The following FERMT2 variants were observed in gnomAD, a reference collection of about 807,000 sequenced individuals.
The protein encoded by FERMT2 is FERM domain containing kindlin 2, also known as fermitin family homolog 2.
FERMT2 carries 15 observed loss-of-function variants against 82.7 expected under a neutral mutation model. That is an observed-to-expected ratio of 0.18 (90% CI 0.12 to 0.28). The LOEUF (loss-of-function observed/expected upper bound fraction) is 0.28, where lower values mean the gene tolerates loss of function less well. Ranked by LOEUF, FERMT2 falls within the 10% of genes least tolerant of loss-of-function variation. The pLI is 1.00. For missense variants in FERMT2, 645 were observed against 809.4 expected, an observed-to-expected ratio of 0.80 and a Z score of 2.46; for synonymous variants, 274 against 271.5, an observed-to-expected ratio of 1.01 and a Z score of -0.09.
intron 13 of FERMT2, 61 bp from the exon 14 acceptor site, chr14:52,859,775 T>G: frequency 9.7e-7 from 1 of 1,035,506 alleles, no homozygotes; most frequent in Middle Eastern, 2.2e-4. Context: ...TTGGACTGCT[T>G]TTCTTCAAGA....
intron 2 of FERMT2, chr14:52,948,543 T>C (rs1482373739): frequency 4.4e-6 from 2 of 455,380 alleles, no homozygotes; most frequent in Non-Finnish European, 8.8e-6. Context: ...AAGGTTTCCA[T>C]ACGCACAGCA....
chr14:52,861,958 T>C (rs1884968396), intron 12 of FERMT2: 1 of 152,200 alleles, frequency 6.6e-6, no homozygotes, highest in Non-Finnish European at 1.5e-5. Flanking sequence ...CTGAGCACTA[T>C]GTCCAGTGTG....
At chr14:52,901,843 T>A (rs1353113400) in intron 3 of FERMT2, among the ~76,000 whole-genome samples, 1 of 152,228 alleles carries the variant, frequency 6.6e-6, no homozygotes, top group Non-Finnish European at 1.5e-5. Context: ...GTGAGCCACG[T>A]GTACACACCT....
intron 2 of FERMT2, among the ~76,000 whole-genome samples, chr14:52,940,416 T>A (rs1361977887): frequency 8.5e-5 from 13 of 152,222 alleles, no homozygotes; most frequent in Non-Finnish European, 1.5e-5. Flanking sequence ...TCAAAATGTT[T>A]TACTATGTAA....
chr14:52,922,859 G>A (rs1018821626), intron 2 of FERMT2, among the ~76,000 whole-genome samples: 5 of 152,178 alleles, frequency 3.3e-5, no homozygotes, highest in African/African-American at 9.7e-5. Context: ...ACAGTCATGA[G>A]TCACTTAACA....
chr14:52,892,585 G>C (rs898215593), intron 4 of FERMT2, among the ~76,000 whole-genome samples: 1 of 151,406 alleles, frequency 6.6e-6, no homozygotes, highest in Admixed American at 6.6e-5. Flanking sequence ...CTCCCAAGTA[G>C]ATGGGACTAC....
In FERMT2 at chr14:52,881,229, T is replaced by C. The variant is rs774401700; in HGVS notation, c.752+15A>G. On this transcript the variant is annotated intron_variant, in intron 5 of 14. Coordinates refer to ENST00000341590, the MANE Select transcript of FERMT2 (RefSeq NM_006832.3). ...GGATGAAGAAATTCAATTTTATCTA[T>C]ATCTTAAAACTTACCCTTGGTTGAT... 6 of 1,607,974 alleles carry C rather than the reference T, an allele frequency of 3.7e-6. No individual in the cohort carries two copies. The Admixed American group carries it at 1.0e-4, about 27-fold the overall frequency.
In FERMT2 at chr14:52,920,676, G is replaced by GGCA. The variant is rs566414166; in HGVS notation, c.158-1323_158-1321dup. Among the ~76,000 whole-genome samples, 91 of 150,624 alleles carry GGCA rather than the reference G, an allele frequency of 6.0e-4. 1 individual carries two copies. Among genetic ancestry groups the GGCA allele is most frequent in the African/African-American group, 2.1e-3 (87 of 41,024 alleles). ...GGGAAGGAAAAACATGTGAATGCTG[G>GGCA]GCACAGTGGCTCACGCCTATAATCC... is the stretch of plus-strand genomic sequence containing the variant. On this transcript the variant is annotated intron_variant, in intron 2 of 14. Coordinates refer to ENST00000341590, the MANE Select transcript of FERMT2 (RefSeq NM_006832.3).
At chr14:52,913,192 C>T (rs1300820644) in intron 3 of FERMT2, among the ~76,000 whole-genome samples, 1 of 152,068 alleles carries the variant, frequency 6.6e-6, no homozygotes, top group Non-Finnish European at 1.5e-5. Flanking sequence ...TAGTGAAATA[C>T]CTCTGAGTAT....
intron 4 of FERMT2, chr14:52,881,880 G>T: frequency 1.3e-6 from 1 of 770,804 alleles, no homozygotes; most frequent in Non-Finnish European, 1.9e-6. Flanking sequence ...GGCCACAACA[G>T]AGGACAGAAA....
intron 4 of FERMT2, among the ~76,000 whole-genome samples, chr14:52,888,470 G>A (rs1171997216): frequency 6.6e-6 from 1 of 152,152 alleles, no homozygotes; most frequent in Non-Finnish European, 1.5e-5. Context: ...GGGAAGAGAA[G>A]CAAAATTTAG....
At chr14:52,943,146 T>G (rs55635639) in intron 2 of FERMT2, among the ~76,000 whole-genome samples, 42,681 of 142,576 alleles carry the variant, frequency 0.3, 9,381 homozygotes, top group South Asian at 0.37. Flanking sequence ...AGGCGGAGGT[T>G]GCAGTGGACT....
intron 3 of FERMT2, among the ~76,000 whole-genome samples, chr14:52,915,539 C>T (rs1888567111): frequency 6.7e-6 from 1 of 150,356 alleles, no homozygotes; most frequent in Non-Finnish European, 1.5e-5. Flanking sequence ...ACAGACAATT[C>T]AATAAACAGT....
chr14:52,895,759 T>A (rs1476811238), intron 3 of FERMT2, among the ~76,000 whole-genome samples: 2 of 152,166 alleles, frequency 1.3e-5, no homozygotes, highest in Admixed American at 6.5e-5. Context: ...ACACTTTAAA[T>A]AGATACAGTT....
At chr14:52,905,188 C>CAAAAAA (rs71125148) in intron 3 of FERMT2, among the ~76,000 whole-genome samples, 7 of 126,848 alleles carry the variant, frequency 5.5e-5, no homozygotes, top group African/African-American at 2.2e-4. Context: ...GACTCCATCT[C>CAAAAAA]AAAAAAAAAA....
chr14:52,878,756 A>C lies in FERMT2; in HGVS notation c.856-67T>G, dbSNP rs1357336759. The C allele has an allele frequency of 7.8e-6, 6 of 773,076 alleles. No individual in the cohort carries two copies. The East Asian group carries it at 1.2e-4, about 15-fold the overall frequency. The allele number at this position is 773,076 out of a possible 1,614,324, so 47.9% of individuals were successfully genotyped here. A position where few individuals can be genotyped will look rare whatever the true frequency, so the allele number is the denominator to read the frequency against. ...ACCATTGAAAAATTTCAAACTCTGA[A>C]TATTCAATTGACAAGAAAAATTTAA... On this transcript the variant is annotated intron_variant, in intron 6 of 14. Coordinates refer to ENST00000341590, the MANE Select transcript of FERMT2 (RefSeq NM_006832.3).
chr14:52,911,486 C>T (rs1189911125), intron 3 of FERMT2, among the ~76,000 whole-genome samples: 1 of 151,836 alleles, frequency 6.6e-6, no homozygotes, highest in African/African-American at 2.4e-5. Flanking sequence ...CCCGTCTCTA[C>T]TAAATAAACA....
intron 2 of FERMT2, among the ~76,000 whole-genome samples, chr14:52,921,443 C>T (rs7157639): frequency 0.14 from 21,151 of 152,198 alleles, 1,714 homozygotes; most frequent in African/African-American, 0.21. Flanking sequence ...ACTTGCTTAA[C>T]AGTGATACTT....
At chr14:52,871,334 T>C (rs534965692) in intron 10 of FERMT2, 5 of 152,428 alleles carry the variant, frequency 3.3e-5, no homozygotes, top group African/African-American at 1.2e-4. Flanking sequence ...CAGAGCCAGC[T>C]GATTGACTGC....
Sources: gnomAD v4.1 joint callset for allele counts (sites outside exome capture counted in the v4.1 genomes callset) on GRCh38, gnomAD v4.1.1 for gene constraint, MANE v1.5 for transcripts, NCBI Gene and HGNC (gene_info 2026-07-23, HGNC 2026-07-21) for gene names.